Variants in MGMT observed in about 807,000 individuals in gnomAD.
The protein encoded by MGMT is O-6-methylguanine-DNA methyltransferase, also known as methylated-DNA--protein-cysteine methyltransferase.
MGMT carries 14 observed loss-of-function variants against 15.9 expected under a neutral mutation model. That is an observed-to-expected ratio of 0.88 (90% CI 0.58 to 1.37). MGMT has a LOEUF of 1.37. Among genes scored for constraint, MGMT ranks in the 40% most tolerant of loss-of-function variants. MGMT has a pLI of 0.00. For missense variants in MGMT, 282 were observed against 268.1 expected (o/e 1.05, Z -0.36); for synonymous variants, 130 against 118.2 (o/e 1.10, Z -0.65).
At chr10:129,563,856 G>C (rs1045066536) in intron 2 of MGMT, 21 of 152,248 alleles carry the variant, frequency 1.4e-4, no homozygotes, top group African/African-American at 4.3e-4. Flanking sequence ...AACGCACTGC[G>C]TTAATGGCCT....
intron 3 of MGMT, among the ~76,000 whole-genome samples, chr10:129,712,241 G>T (rs1466487883): frequency 6.6e-6 from 1 of 152,188 alleles, no homozygotes; most frequent in Admixed American, 6.5e-5. Flanking sequence ...CTGCCCACGC[G>T]AGACTGTGGG....
chr10:129,762,360 T>C (rs750869901), intron 4 of MGMT, among the ~76,000 whole-genome samples: 1 of 152,202 alleles, frequency 6.6e-6, no homozygotes, highest in Non-Finnish European at 1.5e-5. Context: ...CTGGTTCATA[T>C]TACTGCATTT....
intron 1 of MGMT, among the ~76,000 whole-genome samples, chr10:129,512,611 T>C (rs1437846981): frequency 1.3e-5 from 2 of 152,196 alleles, no homozygotes; most frequent in Non-Finnish European, 1.5e-5. Context: ...ATGAAGGAAG[T>C]ACCATCAATG....
At chr10:129,748,530 G>T (rs1345882717) in intron 3 of MGMT, among the ~76,000 whole-genome samples, 2 of 152,174 alleles carry the variant, frequency 1.3e-5, no homozygotes. Context: ...GTTCTTGAAG[G>T]AGTCTTGTGT....
rs1200143703 is a variant in MGMT at position 129,736,002 on chromosome 10, AGGTGT to A, written c.275-23190_275-23186del. Among the ~76,000 whole-genome samples, 13 of 100,336 alleles carry A rather than the reference AGGTGT, an allele frequency of 1.3e-4. No individual in the cohort carries two copies. The Admixed American group carries it at 1.4e-3, about 11-fold the overall frequency. 65.8% of individuals were successfully genotyped at this position (100,336 alleles called of 152,430 possible). On this transcript the variant is annotated intron_variant, in intron 3 of 4. Transcript: ENST00000651593. ...CCAAGTATGTGGTCAATTTTGGAATAGGTGTGGTGTGGTGCTGAAAAAAATGTATA... is the reference window on the plus strand; with the variant it reads ...CCAAGTATGTGGTCAATTTTGGAATAGGTGTGGTGCTGAAAAAAATGTATA...
chr10:129,495,775 G>C (rs746915270), intron 1 of MGMT, among the ~76,000 whole-genome samples: 10 of 152,190 alleles, frequency 6.6e-5, no homozygotes, highest in African/African-American at 1.4e-4. Flanking sequence ...TCTCAGCAGA[G>C]CATCTTCACG....
At chr10:129,765,824 A>G (rs1285667244) in intron 4 of MGMT, among the ~76,000 whole-genome samples, 2 of 151,974 alleles carry the variant, frequency 1.3e-5, no homozygotes, top group African/African-American at 4.8e-5. Flanking sequence ...TGGGTGTGAG[A>G]GTGGAGGAGG....
At chr10:129,711,650 C>T (rs1371277854) in intron 3 of MGMT, among the ~76,000 whole-genome samples, 1 of 151,992 alleles carries the variant, frequency 6.6e-6, no homozygotes, top group Admixed American at 6.6e-5. Context: ...GGTTTTTTGG[C>T]TTTTTTGGTT....
At chr10:129,672,359 G>T (rs941229163) in intron 2 of MGMT, among the ~76,000 whole-genome samples, 30 of 152,270 alleles carry the variant, frequency 2.0e-4, no homozygotes, top group African/African-American at 6.5e-4. Context: ...AGATCACAGG[G>T]ATTCCTGAAT....
intron 2 of MGMT, among the ~76,000 whole-genome samples, chr10:129,635,608 A>T (rs543893767): frequency 6.6e-6 from 1 of 152,174 alleles, no homozygotes; most frequent in African/African-American, 2.4e-5. Context: ...GGTGTTTTTT[A>T]AAAAATAATT....
chr10:129,514,604 C>G (rs902197820), intron 1 of MGMT, among the ~76,000 whole-genome samples: 2 of 152,152 alleles, frequency 1.3e-5, no homozygotes. Flanking sequence ...CCACAAAATT[C>G]ATGTTGAAAC....
chr10:129,559,772 TA>T (rs1231135027), intron 2 of MGMT, among the ~76,000 whole-genome samples: 6 of 152,196 alleles, frequency 3.9e-5, no homozygotes, highest in Admixed American at 3.3e-4. Flanking sequence ...TAGGTCCTTT[TA>T]AAAAAACCTA....
chr10:129,554,438 A>G (rs1846190914), intron 2 of MGMT, among the ~76,000 whole-genome samples: 2 of 151,972 alleles, frequency 1.3e-5, no homozygotes, highest in Non-Finnish European at 2.9e-5. Context: ...ATGATTTTTC[A>G]AGGTCTGTGC....
chr10:129,493,283 C>G (rs764458537), intron 1 of MGMT, among the ~76,000 whole-genome samples: 1 of 152,148 alleles, frequency 6.6e-6, no homozygotes, highest in Non-Finnish European at 1.5e-5. Flanking sequence ...TCAGGGCCCT[C>G]GGGTTGTCAG....
In MGMT at chr10:129,759,265, C is replaced by T; in HGVS notation, c.338C>T (p.Ser113Phe). 6.2e-7 allele frequency: 1 copy of T among 1,614,116 alleles called. No homozygotes were observed. The highest frequency in any genetic ancestry group is 2.2e-5 in the East Asian group (1 of 44,874). ...LKVVKFGEVI[S>F]YQQLAALAGN... The stretch of plus-strand genomic sequence containing the variant: ...GTTGTGAAATTCGGAGAAGTGATTT[C>T]TTACCAGCAATTAGCAGCCCTGGCA... Residue 113 changes from serine (S) to phenylalanine (F), a missense_variant, in exon 4 of 5, where the codon TCT becomes TTT. Ser to Phe is a radical substitution (Grantham distance 155, BLOSUM62 -2). Coordinates refer to ENST00000651593, the MANE Select transcript of MGMT (RefSeq NM_002412.5).
chr10:129,747,394 A>G (rs1157960335), intron 3 of MGMT, among the ~76,000 whole-genome samples: 2 of 152,196 alleles, frequency 1.3e-5, no homozygotes, highest in African/African-American at 4.8e-5. Context: ...AGCTTTTATC[A>G]TGAATAGGTG....
chr10:129,644,468 A>C (rs7922814), intron 2 of MGMT, among the ~76,000 whole-genome samples: 7,520 of 152,240 alleles, frequency 0.049, 220 homozygotes, highest in Middle Eastern at 0.088. Flanking sequence ...GGCTGGAAGG[A>C]AACTAGTTGG....
intron 2 of MGMT, among the ~76,000 whole-genome samples, chr10:129,670,813 GCTGTGGTGC>G (rs1847712647): frequency 6.6e-6 from 1 of 152,176 alleles, no homozygotes; most frequent in African/African-American, 2.4e-5. Context: ...TAACTTAGTT[GCTGTGGTGC>G]CTGTATGACT....
intron 2 of MGMT, among the ~76,000 whole-genome samples, chr10:129,681,650 C>T (rs1286548518): frequency 6.6e-6 from 1 of 151,988 alleles, no homozygotes; most frequent in East Asian, 1.9e-4. Context: ...TTTTTTTCAA[C>T]CAAATGTGGA....
Sources: gnomAD v4.1 joint callset for allele counts (sites outside exome capture counted in the v4.1 genomes callset) on GRCh38, gnomAD v4.1.1 for gene constraint, MANE v1.5 for transcripts, NCBI Gene and HGNC (gene_info 2026-07-23, HGNC 2026-07-21) for gene names.